Variants in CNTN5 observed in about 807,000 individuals in gnomAD.
The protein encoded by CNTN5 is contactin-5.
Under a neutral mutation model 129.1 loss-of-function variants are expected in CNTN5, and 77 were observed. The observed-to-expected ratio is 0.60, with a 90% CI of 0.50 to 0.72. The LOEUF (loss-of-function observed/expected upper bound fraction) is 0.72. CNTN5 is among the 30% of genes least tolerant of loss of function. CNTN5 has a pLI of 0.00. For missense variants in CNTN5, 1,478 were observed against 1,328.8 expected, an observed-to-expected ratio of 1.11 and a Z score of -1.75; for synonymous variants, 509 against 465.6, an observed-to-expected ratio of 1.09 and a Z score of -1.20.
intron 6 of CNTN5, among the ~76,000 whole-genome samples, chr11:99,913,202 A>T (rs1949706227): frequency 1.3e-5 from 2 of 152,010 alleles, no homozygotes; most frequent in Admixed American, 1.3e-4. Context: ...TCTTAGTGAG[A>T]GATGAACAAA....
At chr11:99,282,530 G>A (rs1863748656) in intron 1 of CNTN5, among the ~76,000 whole-genome samples, 1 of 152,020 alleles carries the variant, frequency 6.6e-6, no homozygotes, top group Non-Finnish European at 1.5e-5. Context: ...GAGAAGTAAA[G>A]AAATGAAGAT....
chr11:100,133,043 T>C (rs924700386), intron 13 of CNTN5, among the ~76,000 whole-genome samples: 1 of 152,128 alleles, frequency 6.6e-6, no homozygotes, highest in Admixed American at 6.6e-5. Context: ...ATATTAATTT[T>C]AATGATATTA....
At chr11:100,318,768 G>A (rs914088616) in intron 21 of CNTN5, among the ~76,000 whole-genome samples, 5 of 152,004 alleles carry the variant, frequency 3.3e-5, no homozygotes, top group Admixed American at 1.3e-4. Flanking sequence ...TACAGACATG[G>A]GCTTGCTTAA....
intron 1 of CNTN5, among the ~76,000 whole-genome samples, chr11:99,325,090 C>T (rs888489908): frequency 1.6e-4 from 24 of 151,654 alleles, no homozygotes; most frequent in African/African-American, 5.8e-4. Flanking sequence ...TATTGTAGCC[C>T]ATGTAAGCTT....
intron 2 of CNTN5, among the ~76,000 whole-genome samples, chr11:99,349,722 C>A (rs1420235976): frequency 6.6e-6 from 1 of 152,016 alleles, no homozygotes; most frequent in African/African-American, 2.4e-5. Flanking sequence ...AACTGGAAAA[C>A]TTGTGATAAA....
intron 3 of CNTN5, among the ~76,000 whole-genome samples, chr11:99,784,293 TC>T (rs985081912): frequency 6.6e-6 from 1 of 151,962 alleles, no homozygotes; most frequent in African/African-American, 2.4e-5. Context: ...ATGCTATCCC[TC>T]CCTTAGCCCC....
chr11:99,381,363 T>C (rs1355419610), intron 2 of CNTN5, among the ~76,000 whole-genome samples: 4 of 152,180 alleles, frequency 2.6e-5, no homozygotes, highest in Non-Finnish European at 5.9e-5. Context: ...AGATGATTTA[T>C]TCAGATTTTT....
chr11:99,862,790 A>G (rs1441089604), intron 6 of CNTN5, among the ~76,000 whole-genome samples: 1 of 152,150 alleles, frequency 6.6e-6, no homozygotes, highest in Non-Finnish European at 1.5e-5. Context: ...TTGCATAAAT[A>G]TAATAGCTCA....
chr11:100,246,946 A>G (rs11223388), intron 16 of CNTN5, among the ~76,000 whole-genome samples: 28,910 of 152,156 alleles, frequency 0.19, 3,972 homozygotes, highest in East Asian at 0.63. Flanking sequence ...TACAAGCACA[A>G]TTCTAGCCTT....
rs370490906 is a variant in CNTN5 at position 99,969,425 on chromosome 11, AG to A, written c.877+12417del. Among the ~76,000 whole-genome samples the A allele has an allele frequency of 2.5e-4, 38 of 152,258 alleles. No homozygotes were observed. The East Asian group carries it at 7.1e-3, about 29-fold the overall frequency. On this transcript the variant is annotated intron_variant, in intron 8 of 24. Transcript: ENST00000524871. Reference sequence around the variant, plus strand: ...GAGTTGACTTTTGCAGTGGTGGCAAAGATATATTCACTTACGTTTATCTAAC... The same window carrying A: ...GAGTTGACTTTTGCAGTGGTGGCAAAATATATTCACTTACGTTTATCTAAC...
At chr11:99,967,481 T>A (rs1951125946) in intron 8 of CNTN5, among the ~76,000 whole-genome samples, 1 of 152,154 alleles carries the variant, frequency 6.6e-6, no homozygotes, top group South Asian at 2.1e-4. Flanking sequence ...CTGACACAGA[T>A]TCTGTCTGTA....
chr11:99,672,858 G>A (rs1253513596), intron 3 of CNTN5, among the ~76,000 whole-genome samples: 2 of 152,002 alleles, frequency 1.3e-5, no homozygotes, highest in Non-Finnish European at 2.9e-5. Flanking sequence ...GAAAGGGCAG[G>A]TGGAAAGGAA....
chr11:99,812,405 G>C (rs1946456034), intron 3 of CNTN5, among the ~76,000 whole-genome samples: 1 of 152,052 alleles, frequency 6.6e-6, no homozygotes, highest in Non-Finnish European at 1.5e-5. Context: ...TCAGTATTCA[G>C]TTATACCCAC....
intron 3 of CNTN5, among the ~76,000 whole-genome samples, chr11:99,579,356 A>G (rs1308117164): frequency 1.3e-5 from 2 of 151,404 alleles, no homozygotes; most frequent in Non-Finnish European, 3.0e-5. Context: ...GTTTTTTCCA[A>G]TTCTGTGAAG....
At chr11:100,089,363 T>C (rs1330262393) in intron 13 of CNTN5, among the ~76,000 whole-genome samples, 1 of 152,126 alleles carries the variant, frequency 6.6e-6, no homozygotes, top group Non-Finnish European at 1.5e-5. Context: ...TGAGATATCA[T>C]CTCATGCCAG....
chr11:99,598,049 G>A (rs1367020583), intron 3 of CNTN5, among the ~76,000 whole-genome samples: 1 of 152,132 alleles, frequency 6.6e-6, no homozygotes, highest in East Asian at 1.9e-4. Context: ...GAGCCATTAG[G>A]ATGTGTCTAG....
At chr11:100,303,536 T>A (rs1228328117) in intron 20 of CNTN5, among the ~76,000 whole-genome samples, 1 of 149,116 alleles carries the variant, frequency 6.7e-6, no homozygotes, top group Non-Finnish European at 1.5e-5. Context: ...CAGTTAATTA[T>A]AGGTTGAAAG....
chr11:99,076,318 G>A (rs1359767556), intron 1 of CNTN5, among the ~76,000 whole-genome samples: 2 of 151,904 alleles, frequency 1.3e-5, no homozygotes, highest in Non-Finnish European at 2.9e-5. Context: ...GACAGAGGGA[G>A]GCCCTTCTCA....
At chr11:99,397,322 T>C (rs1333793271) in intron 2 of CNTN5, among the ~76,000 whole-genome samples, 1 of 151,738 alleles carries the variant, frequency 6.6e-6, no homozygotes, top group Admixed American at 6.6e-5. Context: ...TTTTTGCTGA[T>C]TTTCATCAAC....
Sources: gnomAD v4.1 joint callset for allele counts (sites outside exome capture counted in the v4.1 genomes callset) on GRCh38, gnomAD v4.1.1 for gene constraint, MANE v1.5 for transcripts, NCBI Gene and HGNC (gene_info 2026-07-23, HGNC 2026-07-21) for gene names.